Variants in DDX50 observed in about 807,000 individuals in gnomAD.
DDX50 encodes ATP-dependent RNA helicase DDX50.
DDX50 carries 56 observed loss-of-function variants against 94.8 expected under a neutral mutation model. The ratio of observed to expected loss-of-function variants is 0.59; its 90% CI spans 0.48 to 0.74. DDX50 has a LOEUF of 0.74. DDX50 is among the 30% of genes least tolerant of loss of function. The probability of loss-of-function intolerance (pLI) is 0.00; values close to 1 mark genes in which losing one functional copy is unlikely to be tolerated. For synonymous variants in DDX50, 264 were observed against 295.4 expected, an observed-to-expected ratio of 0.89 and a Z score of 1.09; for missense variants, 713 against 881.2, an observed-to-expected ratio of 0.81 and a Z score of 2.42.
chr10:68,932,778 T>C (rs1192933271), intron 8 of DDX50, among the ~76,000 whole-genome samples: 1 of 152,206 alleles, frequency 6.6e-6, no homozygotes, highest in Non-Finnish European at 1.5e-5. Context: ...TGGGAAATTA[T>C]TTTTGCCTAT....
At chr10:68,931,653 G>T (rs964060125) in intron 8 of DDX50, among the ~76,000 whole-genome samples, 5 of 151,196 alleles carry the variant, frequency 3.3e-5, no homozygotes, top group African/African-American at 1.2e-4. Context: ...TCGAACTCCT[G>T]ACCTCAGGTG....
chr10:68,905,197 G>A (rs899380919), intron 1 of DDX50, among the ~76,000 whole-genome samples: 2 of 152,124 alleles, frequency 1.3e-5, no homozygotes, highest in African/African-American at 4.8e-5. Context: ...GATTATAGGC[G>A]TGAACCACCA....
chr10:68,912,649 A>C (rs573725156), intron 4 of DDX50, among the ~76,000 whole-genome samples: 2 of 152,264 alleles, frequency 1.3e-5, no homozygotes, highest in African/African-American at 4.8e-5. Flanking sequence ...AAATGGTGGC[A>C]TAATGCCACT....
rs558290616 is a variant in DDX50, at chr10:68,921,314, A to C, written c.1239+1333A>C. Among the ~76,000 whole-genome samples the C allele has an allele frequency of 3.3e-5, 5 of 152,322 alleles. No homozygotes were observed. In the South Asian group the frequency reaches 1.0e-3, roughly 32 times the overall value. ...TGTTTGTTTTCTTGAATCTGAGTCC[A>C]AATAAGGTTTTTACATTGTGTGATT... On this transcript the variant is annotated intron_variant, in intron 8 of 14. Coordinates refer to ENST00000373585, the MANE Select transcript of DDX50 (RefSeq NM_024045.2).
rs371256533 is a variant in DDX50 at position 68,931,503 on chromosome 10, C to T, written c.1240-2696C>T. Among the ~76,000 whole-genome samples, 18 of 149,708 alleles carry T rather than the reference C, an allele frequency of 1.2e-4. No individual in the cohort carries two copies. The East Asian group carries it at 1.6e-3, about 13-fold the overall frequency. Reference sequence around the variant, plus strand: ...TTGCCCAGGCTGGAGTGCAGTGGCACAGTCTCGGGTCACTGCAACCTCTGC... The same window carrying T: ...TTGCCCAGGCTGGAGTGCAGTGGCATAGTCTCGGGTCACTGCAACCTCTGC... On this transcript the variant is annotated intron_variant, in intron 8 of 14. Transcript: ENST00000373585.
intron 2 of DDX50, among the ~76,000 whole-genome samples, chr10:68,908,967 GAC>G (rs934074959): frequency 1.3e-5 from 2 of 151,810 alleles, no homozygotes; most frequent in Non-Finnish European, 2.9e-5. Context: ...TTTCTACAAT[GAC>G]AGTGTATTGT....
In DDX50 at chr10:68,906,975, A is replaced by G; in HGVS notation, c.352A>G (p.Thr118Ala). 6.3e-7 allele frequency: 1 copy of G among 1,586,988 alleles called. No individual in the cohort carries two copies. Among genetic ancestry groups the G allele is most frequent in the Non-Finnish European group, 8.5e-7 (1 of 1,173,960 alleles). The change falls in exon 2 of 15, where the codon ACT (threonine) becomes GCT (alanine). Residue 118 changes from threonine (T) to alanine (A), a missense_variant. Thr to Ala is a moderately conservative substitution (Grantham distance 58, BLOSUM62 0). Coordinates refer to ENST00000373585, the MANE Select transcript of DDX50 (RefSeq NM_024045.2). ...GCGAGTATCATCTTTAGATACTTCT[A>G]CTCATAAATCAAGTGATAATAAACT... ...SKRVSSLDTSTHKSSDNKLEE... is the reference protein window; with the variant it reads ...SKRVSSLDTSAHKSSDNKLEE...
At chr10:68,922,894 C>T (rs980320049) in intron 8 of DDX50, among the ~76,000 whole-genome samples, 6 of 147,940 alleles carry the variant, frequency 4.1e-5, no homozygotes, top group African/African-American at 1.2e-4. Context: ...TGGGTTCAAG[C>T]GACTCTCCTG....
chr10:68,934,233 C>T lies in DDX50; in HGVS notation c.1274C>T (p.Ser425Leu). The change falls in exon 9 of 15, where the codon TCA becomes TTA. Residue 425 changes from serine (S) to leucine (L), a missense_variant. Physicochemically the swap from Ser to Leu is moderately radical, Grantham distance 145. Transcript: ENST00000373585. This position sits in a 1 kb window ranked among gnomAD's most constrained non-coding sequence, Gnocchi z 4.0. ...TGTTTACATGGGGACATTGCACAGT[C>T]ACAAAGAGAAATTACACTAAAAGGC... ...AQCLHGDIAQSQREITLKGFR... is the reference protein window; with the variant it reads ...AQCLHGDIAQLQREITLKGFR... 3.7e-6 allele frequency: 6 copies of T among 1,612,052 alleles called. No individual in the cohort carries two copies. The highest frequency in any genetic ancestry group is 5.1e-6 in the Non-Finnish European group (6 of 1,179,810).
chr10:68,910,613 G>A (rs1841598217), intron 3 of DDX50, among the ~76,000 whole-genome samples: 1 of 152,174 alleles, frequency 6.6e-6, no homozygotes, highest in South Asian at 2.1e-4. Flanking sequence ...GTGTTGGTCA[G>A]GCTGGTCTCA....
chr10:68,921,287 ATTGT>A lies in DDX50; in HGVS notation c.1239+1313_1239+1316del, dbSNP rs1489260065. ...GTCTTACAAATGGTTATTTTCTTTTATTGTTTGTTTTCTTGAATCTGAGTCCAAA... is the reference window on the plus strand; with the variant it reads ...GTCTTACAAATGGTTATTTTCTTTTATTGTTTTCTTGAATCTGAGTCCAAA... On this transcript the variant is annotated intron_variant, in intron 8 of 14. Coordinates refer to ENST00000373585, the MANE Select transcript of DDX50 (RefSeq NM_024045.2). Among the ~76,000 whole-genome samples the A allele has an allele frequency of 4.9e-4, 75 of 152,044 alleles. No individual in the cohort carries two copies. The East Asian group carries it at 6.8e-3, about 14-fold the overall frequency.
intron 13 of DDX50, among the ~76,000 whole-genome samples, chr10:68,942,845 T>C (rs1396290895): frequency 1.3e-5 from 2 of 152,082 alleles, no homozygotes; most frequent in Non-Finnish European, 1.5e-5. Flanking sequence ...TTGATCGAAT[T>C]CCTGGACTCA....
Position 68,933,517 on chromosome 10 carries a change from G to A in DDX50, c.1240-682G>A, listed in dbSNP as rs558329567. 5.3e-5 allele frequency among the ~76,000 whole-genome samples: 8 copies of A among 152,218 alleles called. No individual in the cohort carries two copies. In the East Asian group the frequency reaches 1.5e-3, roughly 29 times the overall value. On this transcript the variant is annotated intron_variant, in intron 8 of 14. Transcript: ENST00000373585. ...AAGTAGCATTTTATCTATAGATGTG[G>A]ATAGCTAAGATACACTAAATTTATC... is the stretch of plus-strand genomic sequence containing the variant.
chr10:68,933,333 G>A (rs1842321949), intron 8 of DDX50, among the ~76,000 whole-genome samples: 1 of 152,060 alleles, frequency 6.6e-6, no homozygotes, highest in South Asian at 2.1e-4. Flanking sequence ...GCCTCCCAGA[G>A]TGCTGGGATT....
At chr10:68,936,151 C>A in intron 11 of DDX50, 72 bp downstream of exon 11, 3 of 1,253,972 alleles carry the variant, frequency 2.4e-6, no homozygotes, top group Non-Finnish European at 3.3e-6. Context: ...TCTCCCAGTT[C>A]AAATAGCAGA....
At chr10:68,929,251 C>CCCTTCCTTCCTTCCTTCCTTCCTTCCTT (rs748750747) in intron 8 of DDX50, among the ~76,000 whole-genome samples, 3 of 117,900 alleles carry the variant, frequency 2.5e-5, no homozygotes, top group African/African-American at 6.4e-5. Flanking sequence ...CCAGCCTGGT[C>CCCTTCCTTCCTTCCTTCCTTCCTTCCTT]CCTTCCTTCC....
At position 68,928,000 on chromosome 10, in the gene DDX50, G is replaced by A. The variant is rs538135390; in HGVS notation, c.1240-6199G>A. ...TTTGCCATTGCAATGTAGGTTGGGCGACAGAGCAAGATTCCATCTCTTTAA... is the reference window on the plus strand; with the variant it reads ...TTTGCCATTGCAATGTAGGTTGGGCAACAGAGCAAGATTCCATCTCTTTAA... On this transcript the variant is annotated intron_variant, in intron 8 of 14. Coordinates refer to ENST00000373585, the MANE Select transcript of DDX50 (RefSeq NM_024045.2). 5.3e-5 allele frequency among the ~76,000 whole-genome samples: 8 copies of A among 152,204 alleles called. No individual in the cohort carries two copies. The South Asian group carries it at 1.0e-3, about 20-fold the overall frequency.
chr10:68,931,933 G>A (rs1032454500), intron 8 of DDX50, among the ~76,000 whole-genome samples: 2 of 151,984 alleles, frequency 1.3e-5, no homozygotes, highest in African/African-American at 4.8e-5. Flanking sequence ...CTTCTACCAG[G>A]AACTCCCTAG....
chr10:68,941,393 A>T (rs1376670420), intron 13 of DDX50, among the ~76,000 whole-genome samples, 199 bp downstream of exon 13: 1 of 152,180 alleles, frequency 6.6e-6, no homozygotes, highest in Non-Finnish European at 1.5e-5. Context: ...CATTCTGTTC[A>T]GTTTGACTAT....
Sources: gnomAD v4.1 joint callset for allele counts (sites outside exome capture counted in the v4.1 genomes callset) on GRCh38, gnomAD v4.1.1 for gene constraint, Gnocchi (gnomAD v3.1) non-coding constraint, MANE v1.5 for transcripts, NCBI Gene and HGNC (gene_info 2026-07-23, HGNC 2026-07-21) for gene names.